Variants in TMCO1 observed in about 807,000 individuals in gnomAD.
The protein encoded by TMCO1 is calcium load-activated calcium channel.
TMCO1 carries 29 observed loss-of-function variants against 29.3 expected under a neutral mutation model. The observed-to-expected ratio is 0.99, with a 90% CI of 0.74 to 1.35. The LOEUF is 1.35. TMCO1 is among the 40% of genes most tolerant of loss of function. TMCO1 has a pLI of 0.00. For missense variants in TMCO1, 173 were observed against 225.5 expected (o/e 0.77, Z 1.49); for synonymous variants, 80 against 77.1 (o/e 1.04, Z -0.20).
chr1:165,751,732 A>G (rs1277786236), intron 5 of TMCO1, among the ~76,000 whole-genome samples: 1 of 151,878 alleles, frequency 6.6e-6, no homozygotes, highest in Non-Finnish European at 1.5e-5. Flanking sequence ...AAAAAACAAA[A>G]ATTCCCTTGA....
At position 165,727,672 on chromosome 1, in the gene TMCO1, G is replaced by A. The variant is rs115026771; in HGVS notation, c.*351C>T. ...AAATTTTTCTTCTAAATCTCTAAAT[G>A]CTCATAGACAGCCAACTTGCAGGGC... On this transcript the variant is annotated 3_prime_UTR_variant, in exon 7 of 7. Coordinates refer to ENST00000367881, the MANE Select transcript of TMCO1 (RefSeq NM_019026.6). 1.4e-3 allele frequency: 630 copies of A among 454,006 alleles called. 4 individuals are homozygous for A. The highest frequency in any genetic ancestry group is 0.012 in the African/African-American group (594 of 50,060). 28.1% of individuals were successfully genotyped at this position (454,006 alleles called of 1,614,324 possible). A position where few individuals can be genotyped will look rare whatever the true frequency, so the allele number is the denominator to read the frequency against.
intron 6 of TMCO1, 92 bp from the exon 7 acceptor site, chr1:165,728,213 CAT>C: frequency 1.1e-6 from 1 of 932,468 alleles, no homozygotes; most frequent in Middle Eastern, 2.4e-4. Flanking sequence ...AACTCATACT[CAT>C]ATAGATTAAA....
At chr1:165,730,205 G>A (rs1194566248) in intron 6 of TMCO1, among the ~76,000 whole-genome samples, 2 of 151,194 alleles carry the variant, frequency 1.3e-5, no homozygotes, top group East Asian at 1.9e-4. Flanking sequence ...GAGAGGTGGC[G>A]GGCGCCTGTA....
chr1:165,752,033 G>A, intron 5 of TMCO1, 69 bp downstream of exon 5: 1 of 1,284,910 alleles, frequency 7.8e-7, no homozygotes, highest in Admixed American at 1.9e-5. Context: ...TACCCAAAAA[G>A]TTCATGCTAA....
In TMCO1 at chr1:165,765,441, G is replaced by A. The variant is rs763739911; in HGVS notation, c.148+2751C>T. On this transcript the variant is annotated intron_variant, in intron 2 of 6. Transcript: ENST00000367881. ...TGGGATTACAGGCATGTGCCACCAC[G>A]CCCAGCTAATTTTTGTATTTTTAGT... 3.7e-4 allele frequency among the ~76,000 whole-genome samples: 56 copies of A among 152,106 alleles called. 1 individual carries two copies. Among genetic ancestry groups the A allele is most frequent in the Non-Finnish European group, 5.6e-4 (38 of 68,004 alleles).
intron 3 of TMCO1, among the ~76,000 whole-genome samples, chr1:165,755,907 T>C (rs1652175684): frequency 6.6e-6 from 1 of 152,106 alleles, no homozygotes; most frequent in Non-Finnish European, 1.5e-5. Context: ...CTGGGCCAAT[T>C]AGATTCCTCT....
chr1:165,736,437 G>T (rs546601439), intron 6 of TMCO1, among the ~76,000 whole-genome samples: 30 of 152,006 alleles, frequency 2.0e-4, no homozygotes, highest in Non-Finnish European at 4.0e-4. Context: ...AAGAGAACAG[G>T]CCGGGCGCGG....
intron 2 of TMCO1, among the ~76,000 whole-genome samples, chr1:165,760,768 T>C (rs1652372782): frequency 6.6e-6 from 1 of 151,484 alleles, no homozygotes. Flanking sequence ...GCCACTGAAC[T>C]CCAGCCTGGC....
At position 165,759,589 on chromosome 1, in the gene TMCO1, A is replaced by C; in HGVS notation, c.149-5T>G. On this transcript the variant is annotated splice_region_variant and splice_polypyrimidine_tract_variant and intron_variant, in intron 2 of 6. Transcript: ENST00000367881. The stretch of plus-strand genomic sequence containing the variant: ...TTGTTTCCTTCTTCTTTTCCACTGT[A>C]AACAACATAGTAACACAGTAAAAAT... The C allele has an allele frequency of 6.2e-7, 1 of 1,611,766 alleles. No homozygotes were observed. Among genetic ancestry groups the C allele is most frequent in the Non-Finnish European group, 8.5e-7 (1 of 1,178,280 alleles).
chr1:165,765,572 G>A (rs942692575), intron 2 of TMCO1, among the ~76,000 whole-genome samples: 2 of 152,184 alleles, frequency 1.3e-5, no homozygotes, highest in Non-Finnish European at 2.9e-5. Flanking sequence ...CTGAGCCACC[G>A]CGCCCTGCCT....
intron 6 of TMCO1, among the ~76,000 whole-genome samples, chr1:165,729,220 T>A (rs1651028159): frequency 6.6e-6 from 1 of 151,954 alleles, no homozygotes; most frequent in African/African-American, 2.4e-5. Context: ...GACCCTGTCA[T>A]CTTTTTCCAT....
intron 2 of TMCO1, 126 bp from the exon 3 acceptor site, chr1:165,759,710 A>G (rs1652329927): frequency 1.3e-6 from 1 of 757,046 alleles, no homozygotes; most frequent in Admixed American, 2.4e-5. Flanking sequence ...GATTATGGTC[A>G]TGATTAAGTT....
At chr1:165,730,494 A>G (rs949348320) in intron 6 of TMCO1, among the ~76,000 whole-genome samples, 6 of 152,308 alleles carry the variant, frequency 3.9e-5, no homozygotes, top group South Asian at 2.1e-4. Flanking sequence ...CAACAATACT[A>G]TAGCTCATTC....
chr1:165,740,173 T>C (rs1651539019), intron 6 of TMCO1, among the ~76,000 whole-genome samples: 1 of 84,284 alleles, frequency 1.2e-5, no homozygotes, highest in Non-Finnish European at 2.4e-5. Context: ...TAAAGTGAAA[T>C]ATATACATCG....
chr1:165,747,504 T>C (rs1456753281), intron 5 of TMCO1, among the ~76,000 whole-genome samples: 3 of 152,216 alleles, frequency 2.0e-5, no homozygotes, highest in Non-Finnish European at 4.4e-5. Context: ...CAGAAGGGAT[T>C]ATTTTAGAGG....
At chr1:165,768,106 G>C in intron 2 of TMCO1, 86 bp downstream of exon 2, 1 of 1,153,736 alleles carries the variant, frequency 8.7e-7, no homozygotes, top group South Asian at 1.3e-5. Flanking sequence ...CTTTGTATCA[G>C]CTGGTGCTCT....
chr1:165,759,515 CTCA>C lies in TMCO1; in HGVS notation c.208+7_208+9del, dbSNP rs760698788. 4 of 1,604,460 alleles carry C rather than the reference CTCA, an allele frequency of 2.5e-6. No individual in the cohort carries two copies. Reference sequence around the variant, plus strand: ...ACCCAAATTTCATTTTGACTAATATCTCATCTTACCTATTTTCTTTTTCTGTTG... The same window carrying C: ...ACCCAAATTTCATTTTGACTAATATCTCTTACCTATTTTCTTTTTCTGTTG... On this transcript the variant is annotated splice_region_variant and intron_variant, in intron 3 of 6. Transcript: ENST00000367881.
chr1:165,751,550 A>C (rs529168477), intron 5 of TMCO1, among the ~76,000 whole-genome samples: 1 of 152,196 alleles, frequency 6.6e-6, no homozygotes, highest in South Asian at 2.1e-4. Context: ...CTAAAAATAC[A>C]AAAATTAGCT....
chr1:165,726,171 C>A (rs192544358), downstream of TMCO1: 2 of 693,748 alleles, frequency 2.9e-6, no homozygotes, highest in African/African-American at 1.8e-5. Flanking sequence ...CATTATCATT[C>A]GAATTATTAT....
Sources: allele counts gnomAD v4.1 joint callset (sites outside exome capture counted in the v4.1 genomes callset), GRCh38; gene constraint gnomAD v4.1.1; transcripts MANE v1.5; gene names NCBI Gene and HGNC (gene_info 2026-07-23, HGNC 2026-07-21).